Variants in C19orf44 observed in about 807,000 individuals in gnomAD.
The protein encoded by C19orf44 is uncharacterized protein C19orf44.
A neutral mutation model predicts 50.7 loss-of-function variants in C19orf44; 43 were observed. The observed-to-expected ratio is 0.85, with a 90% CI of 0.66 to 1.09. The LOEUF is 1.09. Ranked by LOEUF, C19orf44 falls within the 50% of genes least tolerant of loss-of-function variation. C19orf44 has a pLI of 0.00. For missense variants in C19orf44, 722 were observed against 836.2 expected (o/e 0.86, Z 1.68); for synonymous variants, 298 against 334.7 (o/e 0.89, Z 1.20).
rs370479727 is a variant in C19orf44, at chr19:16,520,796, C to T, written c.*743C>T. On this transcript the variant is annotated 3_prime_UTR_variant, in exon 9 of 9. Transcript: ENST00000221671. This position sits in a 1 kb window ranked among gnomAD's most constrained non-coding sequence, Gnocchi z 4.0. Reference sequence around the variant, plus strand: ...CATCACAAGCTGTGGACCCTGGCCCCCCGGCCACTGCAGACATCTGCGCTT... The same window carrying T: ...CATCACAAGCTGTGGACCCTGGCCCTCCGGCCACTGCAGACATCTGCGCTT... 1.9e-6 allele frequency: 3 copies of T among 1,601,972 alleles called. No individual in the cohort carries two copies. The highest frequency in any genetic ancestry group is 1.7e-4 in the Middle Eastern group (1 of 6,016).
chr19:16,497,470 C>A (rs548480524), intron 1 of C19orf44, among the ~76,000 whole-genome samples: 2 of 151,090 alleles, frequency 1.3e-5, no homozygotes, highest in African/African-American at 4.9e-5. Flanking sequence ...CCTGTCTCAG[C>A]GTCCTGAGTA....
At chr19:16,514,249 G>T (rs553183191) in intron 6 of C19orf44, among the ~76,000 whole-genome samples, 9 of 151,498 alleles carry the variant, frequency 5.9e-5, no homozygotes, top group Non-Finnish European at 1.2e-4. Context: ...CTTGTGATCC[G>T]CCTGCCTCAG....
Position 16,514,581 on chromosome 19 carries a change from C to T in C19orf44, c.1820C>T (p.Ala607Val). The change falls in exon 7 of 9, where the codon GCC (alanine) becomes GTC (valine). Residue 607 changes from alanine (A) to valine (V), a missense_variant. Coordinates refer to ENST00000221671, the MANE Select transcript of C19orf44 (RefSeq NM_032207.4). Reference protein sequence around the residue: ...QLSLTQQFIQASRHLHASLLR... With the variant: ...QLSLTQQFIQVSRHLHASLLR... ...AGCCTGACGCAGCAGTTCATCCAGG[C>T]CAGCCGGCACCTGCACGCCTCCCTC... 6.2e-7 allele frequency: 1 copy of T among 1,608,988 alleles called. No homozygotes were observed. The highest frequency in any genetic ancestry group is 1.3e-5 in the African/African-American group (1 of 74,980).
chr19:16,511,233 C>T (rs745612145), intron 5 of C19orf44, among the ~76,000 whole-genome samples: 1 of 152,166 alleles, frequency 6.6e-6, no homozygotes, highest in Admixed American at 6.6e-5. Context: ...GATGGGGTTT[C>T]ACCATGCTGG....
At chr19:16,506,158 G>A (rs1477558901) in intron 3 of C19orf44, among the ~76,000 whole-genome samples, 1 of 149,796 alleles carries the variant, frequency 6.7e-6, no homozygotes, top group East Asian at 2.0e-4. Context: ...TGTATTTTTA[G>A]TAGAGACAGG....
At chr19:16,499,772 C>G (rs1055889418) in intron 1 of C19orf44, among the ~76,000 whole-genome samples, 2 of 151,880 alleles carry the variant, frequency 1.3e-5, no homozygotes, top group South Asian at 2.1e-4. Context: ...CCATAGCCCC[C>G]CTCTTTCCCA....
Position 16,509,551 on chromosome 19 carries a change from C to G in C19orf44, c.1202C>G (p.Ala401Gly). Residue 401 changes from alanine to glycine, a missense_variant, in exon 5 of 9, where the codon GCG (alanine) becomes GGG (glycine). Coordinates refer to ENST00000221671, the MANE Select transcript of C19orf44 (RefSeq NM_032207.4). ...GCTGGCAAAATCTTCAGAGCCGAGG[C>G]GTCCACTGGGCAGGATGCCCCGAGG... ...KTAGKIFRAE[A>G]STGQDAPRQA... The G allele has an allele frequency of 6.3e-7, 1 of 1,585,258 alleles. No homozygotes were observed. The highest frequency in any genetic ancestry group is 8.6e-7 in the Non-Finnish European group (1 of 1,166,284).
chr19:16,500,466 A>C (rs887045842), intron 1 of C19orf44, among the ~76,000 whole-genome samples: 22 of 150,680 alleles, frequency 1.5e-4, no homozygotes, highest in African/African-American at 5.4e-4. Flanking sequence ...CTGAGGCAGG[A>C]GGATCACTTG....
chr19:16,507,195 G>T (rs2093442955), intron 4 of C19orf44, among the ~76,000 whole-genome samples: 1 of 152,136 alleles, frequency 6.6e-6, no homozygotes, highest in Non-Finnish European at 1.5e-5. Context: ...GAATGTTGTG[G>T]CCTCTGATGT....
At chr19:16,508,523 G>A (rs1331479359) in intron 4 of C19orf44, among the ~76,000 whole-genome samples, 2 of 152,070 alleles carry the variant, frequency 1.3e-5, no homozygotes, top group African/African-American at 4.8e-5. Context: ...GAGTAGCTGA[G>A]ACTACAAGCG....
At chr19:16,504,853 C>T (rs934948030) in intron 3 of C19orf44, among the ~76,000 whole-genome samples, 4 of 147,718 alleles carry the variant, frequency 2.7e-5, no homozygotes, top group Non-Finnish European at 5.9e-5. Flanking sequence ...ACATCTCGCT[C>T]TGTCACCCAG....
At chr19:16,502,934 G>A in intron 2 of C19orf44, 131 bp from the exon 3 acceptor site, 5 of 758,846 alleles carry the variant, frequency 6.6e-6, no homozygotes, top group Non-Finnish European at 1.0e-5. Context: ...AGGCTACAGT[G>A]AGCTATTGAG....
chr19:16,504,452 A>C (rs1409288002), intron 3 of C19orf44, among the ~76,000 whole-genome samples: 2 of 151,960 alleles, frequency 1.3e-5, no homozygotes, highest in African/African-American at 4.8e-5. Flanking sequence ...CCTGCTCCAC[A>C]GTCTTCCCAC....
In C19orf44 at chr19:16,496,408, C is replaced by CAGAGCCAGAG; in HGVS notation, c.-59_-58insAGAGCCAGAG. ...GCTCTGGCTCTGTTGCCCAGGGCAA[C>CAGAGCCAGAG]CGCTCCTTCAGGCGTGAATGTGGCG... is the stretch of plus-strand genomic sequence containing the variant. On this transcript the variant is annotated 5_prime_UTR_variant, in exon 1 of 9. Coordinates refer to ENST00000221671, the MANE Select transcript of C19orf44 (RefSeq NM_032207.4). The CAGAGCCAGAG allele has an allele frequency of 6.1e-6, 3 of 493,758 alleles. No homozygotes were observed. Among genetic ancestry groups the CAGAGCCAGAG allele is most frequent in the Non-Finnish European group, 1.1e-5 (3 of 271,164 alleles). 30.6% of individuals were successfully genotyped at this position (493,758 alleles called of 1,614,324 possible).
intron 5 of C19orf44, among the ~76,000 whole-genome samples, chr19:16,512,014 C>CA (rs1203102155): frequency 0.035 from 1,568 of 44,926 alleles, 9 homozygotes; most frequent in Non-Finnish European, 0.04. Flanking sequence ...GACTCTGTCT[C>CA]AAAAAAAAAA....
intron 2 of C19orf44, among the ~76,000 whole-genome samples, chr19:16,502,011 G>C (rs1400647439): frequency 6.6e-6 from 1 of 151,420 alleles, no homozygotes; most frequent in Non-Finnish European, 1.5e-5. Flanking sequence ...CCAGGTTCAA[G>C]TGATTCTCCT....
intron 4 of C19orf44, among the ~76,000 whole-genome samples, chr19:16,509,132 AT>A (rs1336732965): frequency 3.4e-5 from 5 of 146,556 alleles, no homozygotes; most frequent in Non-Finnish European, 6.0e-5. Context: ...AAATTTTTTA[AT>A]TTTTTTTTTC....
chr19:16,502,214 T>G (rs1466904874), intron 2 of C19orf44, among the ~76,000 whole-genome samples: 1 of 150,840 alleles, frequency 6.6e-6, no homozygotes, highest in Non-Finnish European at 1.5e-5. Flanking sequence ...GTGGCCTATT[T>G]GTGGAATATT....
Position 16,500,962 on chromosome 19 carries a change from T to C in C19orf44, c.170T>C (p.Leu57Pro). The C allele has an allele frequency of 6.2e-7, 1 of 1,613,806 alleles. No homozygotes were observed. The highest frequency in any genetic ancestry group is 1.3e-5 in the African/African-American group (1 of 74,974). Residue 57 changes from leucine to proline, a missense_variant, in exon 2 of 9, where the codon CTA becomes CCA. Coordinates refer to ENST00000221671, the MANE Select transcript of C19orf44 (RefSeq NM_032207.4). ...AGATTTCTAAAAAGAAACCAAACTC[T>C]AGATGAGAAACACTTACTCCTGAAA... is the stretch of plus-strand genomic sequence containing the variant. ...HSRFLKRNQT[L>P]DEKHLLLKEN...
Sources: gnomAD v4.1 joint callset for allele counts (sites outside exome capture counted in the v4.1 genomes callset) on GRCh38, gnomAD v4.1.1 for gene constraint, Gnocchi (gnomAD v3.1) non-coding constraint, MANE v1.5 for transcripts, NCBI Gene and HGNC (gene_info 2026-07-23, HGNC 2026-07-21) for gene names.